Variants in MRPS27 observed in about 807,000 individuals in gnomAD.
The protein encoded by MRPS27 is mitochondrial ribosomal protein S27.
A neutral mutation model predicts 48.9 loss-of-function variants in MRPS27; 43 were observed. That is an observed-to-expected ratio of 0.88 (90% CI 0.69 to 1.13). The LOEUF (loss-of-function observed/expected upper bound fraction) is 1.13. Ranked by LOEUF, MRPS27 falls within the 50% of genes most tolerant of loss-of-function variation. The pLI, the probability that MRPS27 is intolerant of heterozygous loss-of-function variation, is 0.00. For missense variants in MRPS27, 467 were observed against 476.3 expected (o/e 0.98, Z 0.18); for synonymous variants, 188 against 171.9 (o/e 1.09, Z -0.73).
chr5:72,303,882 CAAAAAA>C (rs397818748), intron 2 of MRPS27, among the ~76,000 whole-genome samples: 1 of 69,162 alleles, frequency 1.4e-5, no homozygotes, highest in African/African-American at 6.1e-5. Flanking sequence ...GACCTCATCT[CAAAAAA>C]AAAAAAAAAA....
intron 4 of MRPS27, among the ~76,000 whole-genome samples, chr5:72,266,357 T>C (rs1276678050): frequency 2.0e-5 from 3 of 152,142 alleles, no homozygotes; most frequent in South Asian, 2.1e-4. Context: ...TTGCTAGATA[T>C]AGTAAATACA....
intron 10 of MRPS27, 73 bp from the exon 11 acceptor site, chr5:72,221,221 G>C: frequency 6.5e-7 from 1 of 1,534,012 alleles, no homozygotes; most frequent in South Asian, 1.3e-5. Context: ...GGAAAAACTA[G>C]CCCTGAGTGA....
chr5:72,291,046 G>T (rs1435541421), intron 4 of MRPS27, among the ~76,000 whole-genome samples: 1 of 152,150 alleles, frequency 6.6e-6, no homozygotes, highest in Admixed American at 6.5e-5. Context: ...TAGCATCTCA[G>T]GGCCTGTCCA....
chr5:72,224,703 A>T (rs1445895815), intron 9 of MRPS27, among the ~76,000 whole-genome samples: 1 of 152,228 alleles, frequency 6.6e-6, no homozygotes, highest in East Asian at 1.9e-4. Context: ...GGCAAAGACC[A>T]GAGATGCAGA....
At chr5:72,299,588 C>A (rs1325541574) in intron 2 of MRPS27, among the ~76,000 whole-genome samples, 1 of 152,186 alleles carries the variant, frequency 6.6e-6, no homozygotes. Context: ...TTTATACCTA[C>A]CCTGAACAAA....
At chr5:72,296,432 T>C (rs761093814) in intron 3 of MRPS27, among the ~76,000 whole-genome samples, 31 of 152,212 alleles carry the variant, frequency 2.0e-4, no homozygotes, top group Non-Finnish European at 2.9e-5. Context: ...GATTGTTTGC[T>C]GTATGGCATA....
chr5:72,220,645 G>C lies in MRPS27; in HGVS notation c.*264C>G, dbSNP rs746949454. 1.2e-4 allele frequency: 59 copies of C among 474,062 alleles called. No homozygotes were observed. The highest frequency in any genetic ancestry group is 1.6e-4 in the Non-Finnish European group (42 of 267,548). 29.4% of individuals were successfully genotyped at this position (474,062 alleles called of 1,614,324 possible). A position where few individuals can be genotyped will look rare whatever the true frequency, so the allele number is the denominator to read the frequency against. ...GCTCATAACTAATCCCTGTGCCCCA[G>C]GAACTCCATTATGAGCCTCAAGAGT... On this transcript the variant is annotated 3_prime_UTR_variant, in exon 11 of 11. Coordinates refer to ENST00000261413, the MANE Select transcript of MRPS27 (RefSeq NM_015084.3).
chr5:72,261,455 G>A (rs1178586463), intron 4 of MRPS27, among the ~76,000 whole-genome samples: 1 of 151,842 alleles, frequency 6.6e-6, no homozygotes, highest in Admixed American at 6.6e-5. Flanking sequence ...TTACCATGTT[G>A]GCCAGGCTGA....
intron 2 of MRPS27, among the ~76,000 whole-genome samples, chr5:72,304,093 G>A (rs748067904): frequency 3.7e-4 from 56 of 151,738 alleles, no homozygotes; most frequent in Non-Finnish European, 4.4e-4. Context: ...ATGGTTAGAT[G>A]TGTGTGTGTG....
intron 4 of MRPS27, among the ~76,000 whole-genome samples, chr5:72,238,427 T>C (rs1748262270): frequency 6.6e-6 from 1 of 152,218 alleles, no homozygotes; most frequent in African/African-American, 2.4e-5. Context: ...AATACTCTAC[T>C]AATCATGGCA....
intron 10 of MRPS27, among the ~76,000 whole-genome samples, chr5:72,221,608 AT>A (rs1406526855): frequency 6.6e-6 from 1 of 152,246 alleles, no homozygotes; most frequent in African/African-American, 2.4e-5. Context: ...GAATTCTAAT[AT>A]GCAAACAAAA....
intron 4 of MRPS27, among the ~76,000 whole-genome samples, chr5:72,248,805 CCA>C (rs1206111903): frequency 1.3e-5 from 2 of 151,396 alleles, no homozygotes; most frequent in South Asian, 2.1e-4. Context: ...CTATTGTGAT[CCA>C]CAGACACAGG....
intron 4 of MRPS27, among the ~76,000 whole-genome samples, chr5:72,254,458 C>A (rs964641541): frequency 6.6e-6 from 1 of 152,130 alleles, no homozygotes; most frequent in African/African-American, 2.4e-5. Context: ...ACAATAGCTA[C>A]CCCCTTATTA....
At chr5:72,290,585 CTA>C (rs1363355544) in intron 4 of MRPS27, among the ~76,000 whole-genome samples, 1 of 152,084 alleles carries the variant, frequency 6.6e-6, no homozygotes, top group Non-Finnish European at 1.5e-5. Flanking sequence ...CAGCCAATCT[CTA>C]TGTTTTAGTC....
At chr5:72,275,732 T>C (rs1749356787) in intron 4 of MRPS27, among the ~76,000 whole-genome samples, 1 of 152,216 alleles carries the variant, frequency 6.6e-6, no homozygotes, top group African/African-American at 2.4e-5. Flanking sequence ...AAAGCCTTTA[T>C]TCCTAATGCA....
At chr5:72,314,184 C>A (rs1750512288) in intron 1 of MRPS27, 26 bp from the exon 2 acceptor site, 1 of 1,556,976 alleles carries the variant, frequency 6.4e-7, no homozygotes, top group Non-Finnish European at 8.9e-7. Context: ...ATTATTTCAA[C>A]ACACATGGTT....
intron 4 of MRPS27, among the ~76,000 whole-genome samples, chr5:72,289,884 C>T (rs1206852074): frequency 1.3e-5 from 2 of 152,060 alleles, no homozygotes; most frequent in African/African-American, 4.8e-5. Flanking sequence ...CTCTAAACTA[C>T]CATGGTCCCA....
At chr5:72,221,320 CACATTTTGCTGGTAG>C (rs1337176575) in intron 10 of MRPS27, among the ~76,000 whole-genome samples, 172 bp from the exon 11 acceptor site, 1 of 152,188 alleles carries the variant, frequency 6.6e-6, no homozygotes, top group Admixed American at 6.5e-5. Context: ...AAAATAACCA[CACATTTTGCTGGTAG>C]AAAAAAACCA....
At chr5:72,254,241 T>C (rs964104232) in intron 4 of MRPS27, among the ~76,000 whole-genome samples, 2 of 152,230 alleles carry the variant, frequency 1.3e-5, no homozygotes, top group African/African-American at 4.8e-5. Context: ...CTAACCTAAG[T>C]TGAAGCCTAG....
Sources: gnomAD v4.1 joint callset for allele counts (sites outside exome capture counted in the v4.1 genomes callset) on GRCh38, gnomAD v4.1.1 for gene constraint, MANE v1.5 for transcripts, NCBI Gene and HGNC (gene_info 2026-07-23, HGNC 2026-07-21) for gene names.